The following ADAM7 variants were observed in gnomAD, a reference collection of about 807,000 sequenced individuals.
The protein encoded by ADAM7 is disintegrin and metalloproteinase domain-containing protein 7.
ADAM7 carries 97 observed loss-of-function variants against 102.9 expected under a neutral mutation model. The ratio of observed to expected loss-of-function variants is 0.94; its 90% CI spans 0.80 to 1.12. The LOEUF is 1.12. ADAM7 is among the 50% of genes most tolerant of loss of function. ADAM7 has a pLI of 0.00. For missense variants in ADAM7, 991 were observed against 908.7 expected, an observed-to-expected ratio of 1.09 and a Z score of -1.16; for synonymous variants, 334 against 304.4, an observed-to-expected ratio of 1.10 and a Z score of -1.01.
chr8:24,506,753 G>GCACACACACACACA (rs71549838), intron 20 of ADAM7, among the ~76,000 whole-genome samples: 8 of 144,292 alleles, frequency 5.5e-5, no homozygotes, highest in African/African-American at 2.1e-4. Flanking sequence ...CTGAGTCAAA[G>GCACACACACACACA]CACACACACA....
At chr8:24,449,474 G>A (rs4872237) in intron 3 of ADAM7, among the ~76,000 whole-genome samples, 4 of 151,990 alleles carry the variant, frequency 2.6e-5, no homozygotes, top group Non-Finnish European at 4.4e-5. Flanking sequence ...TCTGTTCATG[G>A]CCTTAGCCCA....
chr8:24,494,373 A>T lies in ADAM7; in HGVS notation c.1842+1144A>T, dbSNP rs952684373. 2.0e-5 allele frequency among the ~76,000 whole-genome samples: 3 copies of T among 152,358 alleles called. No individual in the cohort carries two copies. The South Asian group carries it at 6.2e-4, about 32-fold the overall frequency. ...CAAGCTAAAAAATTCAAAGGTATTC[A>T]ACAAGACTAAGTGTGAAGCCTGAGG... On this transcript the variant is annotated intron_variant, in intron 16 of 21. Coordinates refer to ENST00000175238, the MANE Select transcript of ADAM7 (RefSeq NM_003817.4).
intron 20 of ADAM7, among the ~76,000 whole-genome samples, chr8:24,502,955 G>A (rs1329895582): frequency 1.3e-5 from 2 of 152,008 alleles, no homozygotes; most frequent in Non-Finnish European, 2.9e-5. Context: ...AACAAATATA[G>A]GTGCATGAAT....
At chr8:24,453,483 C>T (rs1265752891) in intron 3 of ADAM7, among the ~76,000 whole-genome samples, 2 of 152,186 alleles carry the variant, frequency 1.3e-5, no homozygotes, top group Non-Finnish European at 2.9e-5. Flanking sequence ...AGTTCTCGAG[C>T]CTTGGCTTTC....
intron 6 of ADAM7, chr8:24,467,222 T>C (rs941088975): frequency 4.1e-5 from 23 of 561,840 alleles, no homozygotes; most frequent in Non-Finnish European, 7.2e-5. Context: ...TATGTATAGA[T>C]TGATAACATT....
Position 24,485,323 on chromosome 8 carries a change from G to A in ADAM7, c.922G>A (p.Gly308Ser), listed in dbSNP as rs760505732. ...TGTGCAAGGAATTTCTTATCCAGGG[G>A]GTATGTGCCTGCCCTATTATTCCAC... ...SHVQGISYPG[G>S]MCLPYYSTSI... is the part of the protein sequence containing the mutation. Residue 308 changes from glycine (G) to serine (S), a missense_variant, in exon 10 of 22, where the codon GGT becomes AGT. Physicochemically the swap from Gly to Ser is moderately conservative, Grantham distance 56. Transcript: ENST00000175238. The A allele has an allele frequency of 1.6e-5, 26 of 1,613,246 alleles. No homozygotes were observed. The highest frequency in any genetic ancestry group is 1.6e-4 in the Middle Eastern group (1 of 6,078).
chr8:24,498,122 G>T (rs772396592), intron 16 of ADAM7, among the ~76,000 whole-genome samples: 2 of 151,760 alleles, frequency 1.3e-5, no homozygotes, highest in Non-Finnish European at 2.9e-5. Flanking sequence ...GTAAAATAAG[G>T]AGATAGGATA....
intron 7 of ADAM7, among the ~76,000 whole-genome samples, chr8:24,469,583 A>G (rs17052032): frequency 0.013 from 2,051 of 152,266 alleles, 40 homozygotes; most frequent in African/African-American, 0.045. Flanking sequence ...ATAATCCAAG[A>G]TAAAATGAAC....
At chr8:24,499,992 C>T (rs1380107903) in intron 17 of ADAM7, among the ~76,000 whole-genome samples, 186 bp from the exon 18 acceptor site, 1 of 152,102 alleles carries the variant, frequency 6.6e-6, no homozygotes, top group Non-Finnish European at 1.5e-5. Flanking sequence ...ATGGCTGCTT[C>T]TTGTATTTTG....
chr8:24,467,195 G>C (rs562817965), intron 6 of ADAM7: 88 of 599,006 alleles, frequency 1.5e-4, no homozygotes, highest in African/African-American at 1.4e-3. Context: ...TTTCAAGAAA[G>C]GATGATTCTA....
At chr8:24,469,356 A>G (rs982690680) in intron 7 of ADAM7, among the ~76,000 whole-genome samples, 5 of 152,184 alleles carry the variant, frequency 3.3e-5, no homozygotes, top group African/African-American at 2.4e-5. Context: ...ACTGCAAGAG[A>G]TAAGGGAAAT....
intron 7 of ADAM7, among the ~76,000 whole-genome samples, chr8:24,470,452 G>T (rs915142155): frequency 2.6e-5 from 4 of 151,806 alleles, no homozygotes; most frequent in African/African-American, 7.3e-5. Flanking sequence ...AAGGGTAGAG[G>T]GAAATAGGTG....
chr8:24,500,226 G>A lies in ADAM7; in HGVS notation c.1972G>A (p.Val658Ile), dbSNP rs753247023. The A allele has an allele frequency of 6.2e-6, 10 of 1,611,756 alleles. No homozygotes were observed. The East Asian group carries it at 1.3e-4, about 22-fold the overall frequency. The change falls in exon 18 of 22, where the codon GTA (valine) becomes ATA (isoleucine). Residue 658 changes from valine (V) to isoleucine (I), a missense_variant. Coordinates refer to ENST00000175238, the MANE Select transcript of ADAM7 (RefSeq NM_003817.4). ...QCHCEEGQAP[V>I]ACEETLHVTN... is the part of the protein sequence containing the mutation. ...CCACTGTGAGGAAGGACAGGCACCTGTAGCCTGTGAAGAAACCTTACATGT... is the reference window on the plus strand; with the variant it reads ...CCACTGTGAGGAAGGACAGGCACCTATAGCCTGTGAAGAAACCTTACATGT...
At chr8:24,476,326 A>T in intron 7 of ADAM7, 107 bp from the exon 8 acceptor site, 1 of 712,986 alleles carries the variant, frequency 1.4e-6, no homozygotes, top group Non-Finnish European at 2.2e-6. Flanking sequence ...TTTCTTCATT[A>T]GGCCAATGAT....
chr8:24,449,992 T>C (rs375224320), intron 3 of ADAM7, among the ~76,000 whole-genome samples: 3 of 152,160 alleles, frequency 2.0e-5, no homozygotes, highest in South Asian at 2.1e-4. Flanking sequence ...GGGCTCTGTT[T>C]TGTTCCATTG....
intron 9 of ADAM7, 111 bp from the exon 10 acceptor site, chr8:24,485,166 G>C: frequency 5.4e-6 from 5 of 934,552 alleles, no homozygotes; most frequent in Non-Finnish European, 8.4e-6. Flanking sequence ...AAATAAGAAG[G>C]CATTTTCACA....
chr8:24,466,173 C>T (rs963911575), intron 5 of ADAM7, among the ~76,000 whole-genome samples: 2 of 152,140 alleles, frequency 1.3e-5, no homozygotes, highest in African/African-American at 4.8e-5. Flanking sequence ...TCCCATTATG[C>T]CGTAAGGCTT....
rs943314322 is a variant in ADAM7, at chr8:24,485,354, T to C, written c.953T>C (p.Ile318Thr). ...GMCLPYYSTS[I>T]IKDLLPDTNI... The stretch of plus-strand genomic sequence containing the variant: ...TGCCTGCCCTATTATTCCACCAGTA[T>C]CATTAAGGTGGGCTGTGTTTTATTT... The change falls in exon 10 of 22, where the codon ATC becomes ACC. Residue 318 changes from isoleucine (I) to threonine (T), a missense_variant. Transcript: ENST00000175238. 1.2e-6 allele frequency: 2 copies of C among 1,613,224 alleles called. No individual in the cohort carries two copies. The highest frequency in any genetic ancestry group is 1.7e-6 in the Non-Finnish European group (2 of 1,179,492).
At position 24,476,445 on chromosome 8, in the gene ADAM7, G is replaced by A. The variant is rs1819771302; in HGVS notation, c.646G>A (p.Gly216Ser). 1 of 1,604,110 alleles carries A rather than the reference G, an allele frequency of 6.2e-7. No individual in the cohort carries two copies. The highest frequency in any genetic ancestry group is 8.5e-7 in the Non-Finnish European group (1 of 1,173,296). The change falls in exon 8 of 22, where the codon GGT becomes AGT. Residue 216 changes from glycine to serine, a missense_variant. Gly to Ser is a moderately conservative substitution (Grantham distance 56, BLOSUM62 0). Coordinates refer to ENST00000175238, the MANE Select transcript of ADAM7 (RefSeq NM_003817.4). ...TTTATATTTCCAGTATCGCAGAAAT[G>A]GTCATCCTCACAATAAACTAAGGAA... ...VADDTVYRRN[G>S]HPHNKLRNRI...
Sources: gnomAD v4.1 joint callset for allele counts (sites outside exome capture counted in the v4.1 genomes callset) on GRCh38, gnomAD v4.1.1 for gene constraint, MANE v1.5 for transcripts, NCBI Gene and HGNC (gene_info 2026-07-23, HGNC 2026-07-21) for gene names.